Variants in TARS3 observed in about 807,000 individuals in gnomAD.
The protein encoded by TARS3 is threonyl-tRNA synthetase 3.
TARS3 carries 94 observed loss-of-function variants against 103.5 expected under a neutral mutation model. The ratio of observed to expected loss-of-function variants is 0.91; its 90% CI spans 0.77 to 1.08. The LOEUF (loss-of-function observed/expected upper bound fraction) is 1.08. TARS3 is among the 50% of genes least tolerant of loss of function. The pLI is 0.00. For missense variants in TARS3, 952 were observed against 995.2 expected (o/e 0.96, Z 0.58); for synonymous variants, 416 against 355.4 (o/e 1.17, Z -1.92).
intron 16 of TARS3, among the ~76,000 whole-genome samples, chr15:101,659,086 C>T (rs768156327): frequency 2.0e-5 from 3 of 152,164 alleles, no homozygotes; most frequent in African/African-American, 4.8e-5. Context: ...CCACCACATC[C>T]GGCCTCTATA....
chr15:101,709,541 C>G (rs998510455), intron 5 of TARS3, among the ~76,000 whole-genome samples: 1 of 152,206 alleles, frequency 6.6e-6, no homozygotes, highest in Non-Finnish European at 1.5e-5. Flanking sequence ...TGCTCCCTCC[C>G]TCCACTCCGG....
intron 6 of TARS3, among the ~76,000 whole-genome samples, chr15:101,708,543 C>G (rs1298521174): frequency 1.3e-5 from 2 of 152,074 alleles, no homozygotes; most frequent in Non-Finnish European, 2.9e-5. Context: ...CAGAATTAAT[C>G]AGATTTATAA....
At chr15:101,701,926 C>G (rs1022561220) in intron 9 of TARS3, among the ~76,000 whole-genome samples, 1 of 152,330 alleles carries the variant, frequency 6.6e-6, no homozygotes, top group South Asian at 2.1e-4. Flanking sequence ...CAAGCGCGTG[C>G]TGCCACGCCT....
chr15:101,699,667 C>A (rs1384552123), intron 10 of TARS3, among the ~76,000 whole-genome samples: 4 of 152,192 alleles, frequency 2.6e-5, no homozygotes, highest in Non-Finnish European at 5.9e-5. Flanking sequence ...TGATCTCCTA[C>A]CATTGCCTCG....
chr15:101,656,752 G>C (rs186529877), intron 18 of TARS3, among the ~76,000 whole-genome samples, 170 bp downstream of exon 18: 361 of 152,270 alleles, frequency 2.4e-3, no homozygotes, highest in Admixed American at 6.5e-3. Flanking sequence ...AAACAACAAA[G>C]AGTACCTAGG....
rs1294416151 is a variant in TARS3 at position 101,686,033 on chromosome 15, C to T, written c.1350G>A (p.Glu450=). ...TGTTGTACATATTGGGAGAGAGCAC[C>T]TCCGTGAAGTCCCGTTTGTGATATT... ...REEYHKRDFT[E]VLSPNMYNSK... The change falls in exon 11 of 19, where the codon GAG becomes GAA. Residue 450 remains glutamate (E), a synonymous_variant. Coordinates refer to ENST00000335968, the MANE Select transcript of TARS3 (RefSeq NM_152334.3). 6.2e-7 allele frequency: 1 copy of T among 1,611,720 alleles called. No individual in the cohort carries two copies. Among genetic ancestry groups the T allele is most frequent in the Non-Finnish European group, 8.5e-7 (1 of 1,178,592 alleles).
In TARS3 at chr15:101,702,304, T is replaced by A. The variant is rs762734667; in HGVS notation, c.1156A>T (p.Met386Leu). 2.5e-6 allele frequency: 4 copies of A among 1,614,176 alleles called. No individual in the cohort carries two copies. The Admixed American group carries it at 5.0e-5, about 20-fold the overall frequency. Residue 386 changes from methionine to leucine, a missense_variant, in exon 9 of 19, where the codon ATG (methionine) becomes TTG (leucine). Physicochemically the swap from Met to Leu is conservative, Grantham distance 15 (BLOSUM62 2). Coordinates refer to ENST00000335968, the MANE Select transcript of TARS3 (RefSeq NM_152334.3). ...TGGAACTTTTCCCAGTCTCTCATCATCTTGTTATCAGGAAAGGATATTCCA... is the reference window on the plus strand; with the variant it reads ...TGGAACTTTTCCCAGTCTCTCATCAACTTGTTATCAGGAAAGGATATTCCA... ...IYGISFPDNK[M>L]MRDWEKFQEE...
intron 5 of TARS3, among the ~76,000 whole-genome samples, chr15:101,710,352 T>C (rs1362135638): frequency 2.6e-5 from 4 of 152,184 alleles, no homozygotes; most frequent in Non-Finnish European, 4.4e-5. Flanking sequence ...TGTGAGCCAG[T>C]CTAGCAAATT....
chr15:101,681,406 G>A (rs1456874628), intron 12 of TARS3, among the ~76,000 whole-genome samples: 3 of 152,132 alleles, frequency 2.0e-5, no homozygotes, highest in Middle Eastern at 3.2e-3. Flanking sequence ...TCCAAACCAC[G>A]AACAAGGTAT....
chr15:101,692,191 T>C (rs529240878), intron 10 of TARS3, among the ~76,000 whole-genome samples: 53 of 152,350 alleles, frequency 3.5e-4, no homozygotes, highest in African/African-American at 1.1e-3. Flanking sequence ...CTTTCCCTGG[T>C]TCTCCCTGCT....
intron 7 of TARS3, 27 bp from the exon 8 acceptor site, chr15:101,703,964 C>G: frequency 1.3e-6 from 2 of 1,516,294 alleles, no homozygotes; most frequent in Non-Finnish European, 1.8e-6. Flanking sequence ...AGGACATGCT[C>G]AGGCACAGTT....
chr15:101,681,958 T>C (rs1179075895), intron 12 of TARS3, among the ~76,000 whole-genome samples: 2 of 152,058 alleles, frequency 1.3e-5, no homozygotes, highest in South Asian at 4.1e-4. Context: ...TTTATTATTA[T>C]GAAATGCATA....
At chr15:101,713,876 T>G (rs1899996733) in intron 4 of TARS3, among the ~76,000 whole-genome samples, 2 of 152,220 alleles carry the variant, frequency 1.3e-5, no homozygotes, top group African/African-American at 4.8e-5. Context: ...AAAATCACTT[T>G]TAAATATGGT....
chr15:101,671,807 A>G, intron 13 of TARS3, 59 bp from the exon 14 acceptor site: 1 of 1,371,144 alleles, frequency 7.3e-7, no homozygotes, highest in East Asian at 2.4e-5. Flanking sequence ...TTTTACATAC[A>G]GCTCACAAAA....
intron 5 of TARS3, 123 bp from the exon 6 acceptor site, chr15:101,709,033 G>A: frequency 1.5e-6 from 1 of 659,642 alleles, no homozygotes; most frequent in South Asian, 2.0e-5. Flanking sequence ...CAGGACTTCA[G>A]AAAGTCAAAC....
At chr15:101,688,571 G>C (rs79303481) in intron 10 of TARS3, among the ~76,000 whole-genome samples, 2 of 152,104 alleles carry the variant, frequency 1.3e-5, no homozygotes, top group East Asian at 3.8e-4. Flanking sequence ...TCATAAATTT[G>C]TTTTCAAGTA....
At chr15:101,716,797 T>C (rs1900179020) in intron 3 of TARS3, among the ~76,000 whole-genome samples, 1 of 152,130 alleles carries the variant, frequency 6.6e-6, no homozygotes, top group Non-Finnish European at 1.5e-5. Flanking sequence ...CAAGAGTATC[T>C]TGTCTCTGAG....
chr15:101,690,022 C>A (rs939844475), intron 10 of TARS3, among the ~76,000 whole-genome samples: 5 of 152,182 alleles, frequency 3.3e-5, no homozygotes, highest in African/African-American at 1.2e-4. Context: ...TGGCCAATGG[C>A]ACGATTCAGA....
intron 3 of TARS3, 141 bp from the exon 4 acceptor site, chr15:101,715,104 G>A: frequency 1.6e-6 from 1 of 644,678 alleles, no homozygotes; most frequent in South Asian, 4.4e-5. Flanking sequence ...GATATTTCTT[G>A]TTTTGCAATA....
Sources: allele counts gnomAD v4.1 joint callset (sites outside exome capture counted in the v4.1 genomes callset), GRCh38; gene constraint gnomAD v4.1.1; transcripts MANE v1.5; gene names NCBI Gene and HGNC (gene_info 2026-07-23, HGNC 2026-07-21).